Variants in PHF24 observed in about 807,000 individuals in gnomAD.
PHF24 encodes the protein Galpha inhibitory interacting protein.
PHF24 carries 25 observed loss-of-function variants against 42.6 expected under a neutral mutation model. The observed-to-expected ratio is 0.59, with a 90% CI of 0.43 to 0.82. The LOEUF (loss-of-function observed/expected upper bound fraction) is 0.82, where lower values mean the gene tolerates loss of function less well. Among genes scored for constraint, PHF24 ranks in the 40% least tolerant of loss-of-function variants. The pLI is 0.00. For missense variants in PHF24, 470 were observed against 538.1 expected, an observed-to-expected ratio of 0.87 and a Z score of 1.25; for synonymous variants, 185 against 204.8, an observed-to-expected ratio of 0.90 and a Z score of 0.83.
the PHF24 span, among the ~76,000 whole-genome samples, chr9:34,822,667 C>T: frequency 2.0e-5 from 3 of 152,250 alleles, no homozygotes; most frequent in East Asian, 3.9e-4. Flanking sequence ...AACTTGGAGG[C>T]CCGTCAGAAT....
chr9:34,735,662 G>A, the PHF24 span, among the ~76,000 whole-genome samples: 2 of 150,402 alleles, frequency 1.3e-5, no homozygotes, highest in African/African-American at 2.5e-5. Context: ...AGCTGGGCGC[G>A]GTGGCAGATG....
chr9:34,668,600 C>A, the PHF24 span, among the ~76,000 whole-genome samples: 4 of 152,224 alleles, frequency 2.6e-5, no homozygotes, highest in Non-Finnish European at 5.9e-5. Flanking sequence ...ACCCCCAAAT[C>A]ATTCAACCAA....
At chr9:34,773,076 C>G in the PHF24 span, among the ~76,000 whole-genome samples, 2 of 151,820 alleles carry the variant, frequency 1.3e-5, no homozygotes, top group Non-Finnish European at 2.9e-5. Context: ...CCGCAACCTC[C>G]GCCTCGCGGG....
the PHF24 span, among the ~76,000 whole-genome samples, chr9:34,860,694 G>GTT: frequency 5.9e-5 from 9 of 151,824 alleles, no homozygotes; most frequent in African/African-American, 2.2e-4. Context: ...AAAAGTGTGT[G>GTT]TGTGTGTGTG....
the PHF24 span, chr9:34,837,109 C>T: frequency 1.2e-4 from 57 of 471,134 alleles, no homozygotes; most frequent in Non-Finnish European, 2.2e-4. Flanking sequence ...TGATCTTCTT[C>T]CTGAGAAAGT....
At chr9:34,838,761 T>C in the PHF24 span, among the ~76,000 whole-genome samples, 1 of 152,202 alleles carries the variant, frequency 6.6e-6, no homozygotes, top group South Asian at 2.1e-4. Context: ...CTGTCTTCAC[T>C]TTCCACTCCC....
the PHF24 span, among the ~76,000 whole-genome samples, chr9:34,740,639 T>C: frequency 1.3e-5 from 2 of 152,206 alleles, no homozygotes; most frequent in African/African-American, 4.8e-5. Flanking sequence ...CCCTGCAAGC[T>C]GAGGGAGCTG....
At chr9:34,675,744 G>A in the PHF24 span, among the ~76,000 whole-genome samples, 64 of 152,258 alleles carry the variant, frequency 4.2e-4, no homozygotes, top group African/African-American at 1.5e-3. Flanking sequence ...GCCTGGGCCT[G>A]GGCTGAGCTT....
At chr9:34,783,248 A>G in the PHF24 span, among the ~76,000 whole-genome samples, 1 of 152,208 alleles carries the variant, frequency 6.6e-6, no homozygotes, top group African/African-American at 2.4e-5. Context: ...GAAAGGAAGC[A>G]AGTTACACTG....
chr9:34,765,739 T>G, the PHF24 span, among the ~76,000 whole-genome samples: 3 of 152,154 alleles, frequency 2.0e-5, no homozygotes, highest in Non-Finnish European at 4.4e-5. Context: ...TTGAACCTGT[T>G]GTTATGATGT....
At chr9:34,677,932 T>C in the PHF24 span, among the ~76,000 whole-genome samples, 1 of 152,190 alleles carries the variant, frequency 6.6e-6, no homozygotes, top group Non-Finnish European at 1.5e-5. Flanking sequence ...TGGTTAATAC[T>C]GAGTGTCAAT....
chr9:34,962,073 C>T (rs1201166376), intron 1 of PHF24, among the ~76,000 whole-genome samples: 1 of 152,268 alleles, frequency 6.6e-6, no homozygotes, highest in Non-Finnish European at 1.5e-5. Context: ...AATGCACTCA[C>T]TGGTCAGCGC....
chr9:34,848,511 C>T, the PHF24 span, among the ~76,000 whole-genome samples: 1 of 152,068 alleles, frequency 6.6e-6, no homozygotes, highest in Non-Finnish European at 1.5e-5. Context: ...ATTAGTTTTG[C>T]TAGCGATCTA....
exon 8 of PHF24, chr9:34,979,812 T>A (rs552422397): frequency 2.0e-5 from 3 of 152,294 alleles, no homozygotes; most frequent in Admixed American, 2.0e-4. Flanking sequence ...GGGACTGAAA[T>A]GAAGCAGACA....
At chr9:34,935,185 T>C in the PHF24 span, among the ~76,000 whole-genome samples, 1 of 152,124 alleles carries the variant, frequency 6.6e-6, no homozygotes, top group Admixed American at 6.5e-5. Flanking sequence ...AAGATGTGGA[T>C]TGAGAACTGA....
At chr9:34,701,891 A>G in the PHF24 span, among the ~76,000 whole-genome samples, 2 of 152,180 alleles carry the variant, frequency 1.3e-5, no homozygotes, top group Admixed American at 1.3e-4. The surrounding 1 kb of genome is among the most constrained non-coding windows in gnomAD (Gnocchi z 5.8). Context: ...CGATTTACCC[A>G]GAGCCCAAGG....
chr9:34,845,945 G>C, the PHF24 span, among the ~76,000 whole-genome samples: 2 of 151,816 alleles, frequency 1.3e-5, no homozygotes, highest in African/African-American at 2.4e-5. Context: ...TTTTTTATGG[G>C]TGCATAGTAT....
chr9:34,968,665 G>A (rs888923837), intron 1 of PHF24, among the ~76,000 whole-genome samples: 2 of 152,222 alleles, frequency 1.3e-5, no homozygotes, highest in Non-Finnish European at 2.9e-5. Flanking sequence ...CCGAAAAGAA[G>A]ATGGGGCTGT....
chr9:34,841,315 A>G, the PHF24 span, among the ~76,000 whole-genome samples: 1 of 152,154 alleles, frequency 6.6e-6, no homozygotes, highest in African/African-American at 2.4e-5. Context: ...TCACACTTCT[A>G]AAAAATGTTT....
Sources: gnomAD v4.1 joint callset for allele counts (sites outside exome capture counted in the v4.1 genomes callset) on GRCh38, gnomAD v4.1.1 for gene constraint, Gnocchi (gnomAD v3.1) non-coding constraint, MANE v1.5 for transcripts, NCBI Gene and HGNC (gene_info 2026-07-23, HGNC 2026-07-21) for gene names.